The following IL1RAPL2 variants were observed in gnomAD, a reference collection of about 807,000 sequenced individuals.
IL1RAPL2 encodes the protein interleukin 1 receptor accessory protein like 2, also known as X-linked interleukin-1 receptor accessory protein-like 2.
A neutral mutation model predicts 44.1 loss-of-function variants in IL1RAPL2; 3 were observed. The observed-to-expected ratio is 0.07, with a 90% CI of 0.03 to 0.18. The LOEUF is 0.18. IL1RAPL2 is among the 10% of genes least tolerant of loss of function. The probability of loss-of-function intolerance (pLI) is 1.00; values close to 1 mark genes in which losing one functional copy is unlikely to be tolerated. For synonymous variants in IL1RAPL2, 181 were observed against 178.8 expected (o/e 1.01, Z -0.10); for missense variants, 391 against 496.4 (o/e 0.79, Z 2.02).
intron 1 of IL1RAPL2, among the ~76,000 whole-genome samples, chrX:104,637,778 ATGTG>A (rs58410384): frequency 7.4e-4 from 73 of 98,985 alleles, no homozygotes; most frequent in South Asian, 9.5e-4. Flanking sequence ...GTTTTTGTGT[ATGTG>A]TGTGTGTGTG....
In IL1RAPL2 at chrX:104,992,461, G is replaced by A. The variant is rs755519807; in HGVS notation, c.83-203014G>A. Among the ~76,000 whole-genome samples the A allele has an allele frequency of 2.7e-4, 30 of 111,454 alleles. No individual in the cohort carries two copies. In the East Asian group the frequency reaches 5.2e-3, roughly 19 times the overall value. ...TTTAGAAGAGTTCAAGACATTACCA[G>A]GATGTGATGGTTGAAGGACAGTGAT... On this transcript the variant is annotated intron_variant, in intron 2 of 10. Coordinates refer to ENST00000372582, the MANE Select transcript of IL1RAPL2 (RefSeq NM_017416.2).
At chrX:104,931,404 G>A (rs756934192) in intron 2 of IL1RAPL2, among the ~76,000 whole-genome samples, 1 of 107,520 alleles carries the variant, frequency 9.3e-6, no homozygotes, top group South Asian at 4.0e-4. Context: ...CCAGTGAACT[G>A]CTAAGATCTA....
chrX:105,366,092 C>A (rs1202650207), intron 5 of IL1RAPL2, among the ~76,000 whole-genome samples: 1 of 110,881 alleles, frequency 9.0e-6, no homozygotes, highest in Non-Finnish European at 1.9e-5. Flanking sequence ...GGATTACAGG[C>A]GCCTGCCATC....
At chrX:105,302,670 A>G (rs906249827) in intron 5 of IL1RAPL2, among the ~76,000 whole-genome samples, 1 of 111,923 alleles carries the variant, frequency 8.9e-6, no homozygotes, top group Non-Finnish European at 1.9e-5. Flanking sequence ...AGAGGGAAGC[A>G]GTCCCTCCCA....
intron 2 of IL1RAPL2, among the ~76,000 whole-genome samples, chrX:104,749,215 T>C (rs376795409): frequency 9.0e-6 from 1 of 110,918 alleles, no homozygotes; most frequent in South Asian, 3.8e-4. Flanking sequence ...GAAAATAGGA[T>C]AGGGCCAAAG....
intron 6 of IL1RAPL2, among the ~76,000 whole-genome samples, chrX:105,524,172 C>A (rs981831445): frequency 3.3e-4 from 37 of 111,457 alleles, no homozygotes; most frequent in East Asian, 1.7e-3. Flanking sequence ...GGTGCTGGGG[C>A]ATTTGGTTGA....
chrX:104,801,331 G>A (rs1377711092), intron 2 of IL1RAPL2, among the ~76,000 whole-genome samples: 1 of 111,772 alleles, frequency 8.9e-6, no homozygotes, highest in Non-Finnish European at 1.9e-5. Flanking sequence ...AATGCAAGTT[G>A]TCATTAAGAG....
At chrX:104,973,250 T>C (rs2147722202) in intron 2 of IL1RAPL2, among the ~76,000 whole-genome samples, 1 of 112,183 alleles carries the variant, frequency 8.9e-6, no homozygotes, top group African/African-American at 3.2e-5. Context: ...CTTTGGAATT[T>C]CCTTTGCTCA....
chrX:105,412,224 A>G (rs374648701), intron 5 of IL1RAPL2, among the ~76,000 whole-genome samples: 2 of 109,453 alleles, frequency 1.8e-5, no homozygotes, highest in East Asian at 5.7e-4. Flanking sequence ...TGACTCCAAT[A>G]TTTATTGTAG....
At chrX:105,127,995 A>G (rs1275538829) in intron 2 of IL1RAPL2, among the ~76,000 whole-genome samples, 1 of 111,047 alleles carries the variant, frequency 9.0e-6, no homozygotes, top group East Asian at 2.8e-4. Flanking sequence ...GTACTCAGAG[A>G]TATTTTTGTG....
chrX:105,231,063 A>G (rs971460896), intron 3 of IL1RAPL2, among the ~76,000 whole-genome samples: 28 of 112,286 alleles, frequency 2.5e-4, no homozygotes, highest in Non-Finnish European at 5.1e-4. Flanking sequence ...AAATTTTTTA[A>G]CAAGTATGTC....
At chrX:105,242,064 A>G (rs2034175139) in intron 4 of IL1RAPL2, among the ~76,000 whole-genome samples, 1 of 111,941 alleles carries the variant, frequency 8.9e-6, no homozygotes, top group Non-Finnish European at 1.9e-5. Flanking sequence ...AACAGACTGA[A>G]GTGCAGGTAA....
At position 104,745,610 on chromosome X, in the gene IL1RAPL2, G is replaced by A. The variant is rs574897303; in HGVS notation, c.82+86615G>A. On this transcript the variant is annotated intron_variant, in intron 2 of 10. Coordinates refer to ENST00000372582, the MANE Select transcript of IL1RAPL2 (RefSeq NM_017416.2). Reference sequence around the variant, plus strand: ...CAAATATTAATGGAAAGAATAAAGCGTTTAACAAAAGTCACAGCTGTTCGA... The same window carrying A: ...CAAATATTAATGGAAAGAATAAAGCATTTAACAAAAGTCACAGCTGTTCGA... Among the ~76,000 whole-genome samples, 11 of 111,954 alleles carry A rather than the reference G, an allele frequency of 9.8e-5. No individual in the cohort carries two copies. In the South Asian group the frequency reaches 2.2e-3, roughly 22 times the overall value.
intron 2 of IL1RAPL2, among the ~76,000 whole-genome samples, chrX:104,731,429 TCTCA>T (rs1268269942): frequency 1.9e-5 from 2 of 106,213 alleles, no homozygotes; most frequent in Non-Finnish European, 3.8e-5. Flanking sequence ...TGGGATGGAG[TCTCA>T]CTCCTGTCAT....
chrX:105,441,899 A>G (rs1000475867), intron 5 of IL1RAPL2, among the ~76,000 whole-genome samples: 1 of 110,547 alleles, frequency 9.0e-6, no homozygotes, highest in Non-Finnish European at 1.9e-5. Context: ...CCATGTCTGA[A>G]TGGTATGTCA....
intron 2 of IL1RAPL2, among the ~76,000 whole-genome samples, chrX:104,800,152 G>T (rs902072057): frequency 4.5e-5 from 5 of 111,088 alleles, no homozygotes; most frequent in Non-Finnish European, 9.4e-5. Flanking sequence ...TTAGTGACAG[G>T]CAATATGGCT....
chrX:105,308,047 G>T (rs1192615524), intron 5 of IL1RAPL2, among the ~76,000 whole-genome samples: 2 of 110,349 alleles, frequency 1.8e-5, no homozygotes, highest in Non-Finnish European at 3.8e-5. Flanking sequence ...CTTCATCATG[G>T]TGACTAGGTC....
intron 4 of IL1RAPL2, among the ~76,000 whole-genome samples, chrX:105,260,684 A>T (rs2034351813): frequency 8.9e-6 from 1 of 112,009 alleles, no homozygotes; most frequent in Admixed American, 9.4e-5. Context: ...CACTTAAAGA[A>T]GCAGTCTAGC....
At chrX:105,325,484 T>C (rs1345580060) in intron 5 of IL1RAPL2, among the ~76,000 whole-genome samples, 4 of 105,943 alleles carry the variant, frequency 3.8e-5, no homozygotes, top group Non-Finnish European at 7.7e-5. Flanking sequence ...AATATTGCTG[T>C]GAACATTCGT....
Sources: allele counts gnomAD v4.1 joint callset (sites outside exome capture counted in the v4.1 genomes callset), GRCh38; gene constraint gnomAD v4.1.1; transcripts MANE v1.5; gene names NCBI Gene and HGNC (gene_info 2026-07-23, HGNC 2026-07-21).